Variants in FRAS1 observed in about 807,000 individuals in gnomAD.
The protein encoded by FRAS1 is extracellular matrix organizing protein FRAS1.
A neutral mutation model predicts 435.2 loss-of-function variants in FRAS1; 290 were observed. That is an observed-to-expected ratio of 0.67 (90% CI 0.61 to 0.73). The LOEUF (loss-of-function observed/expected upper bound fraction) is 0.73. FRAS1 is among the 30% of genes least tolerant of loss of function. The probability of loss-of-function intolerance (pLI) is 0.00; values close to 1 mark genes in which losing one functional copy is unlikely to be tolerated. For missense variants in FRAS1, 4,860 were observed against 5,001.5 expected (o/e 0.97, Z 0.85); for synonymous variants, 1,800 against 1,851.0 (o/e 0.97, Z 0.71).
chr4:78,154,999 T>G (rs1246628556), intron 2 of FRAS1, among the ~76,000 whole-genome samples: 8 of 152,234 alleles, frequency 5.3e-5, no homozygotes, highest in Non-Finnish European at 1.2e-4. Context: ...ACAGTCTCCT[T>G]TAATGATTGA....
At chr4:78,363,877 G>A (rs1465403683) in intron 21 of FRAS1, 31 bp from the exon 22 acceptor site, 2 of 1,587,862 alleles carry the variant, frequency 1.3e-6, no homozygotes, top group African/African-American at 2.7e-5. Flanking sequence ...CTGACATCAT[G>A]GTTTCTGTTG....
Position 78,288,199 on chromosome 4 carries a change from T to C in FRAS1, c.1534+1660T>C, listed in dbSNP as rs556908263. The stretch of plus-strand genomic sequence containing the variant: ...AAGTGGGAACATACAAATACCTTTA[T>C]AAGTGTCTAATGGTTGGGCAATTTA... On this transcript the variant is annotated intron_variant, in intron 14 of 73. Coordinates refer to ENST00000512123, the MANE Select transcript of FRAS1 (RefSeq NM_025074.7). 5.3e-5 allele frequency among the ~76,000 whole-genome samples: 8 copies of C among 151,750 alleles called. 2 individuals carry two copies. Among genetic ancestry groups the C allele is most frequent in the African/African-American group, 1.9e-4 (8 of 41,512 alleles).
rs886885740 is a variant in FRAS1 at position 78,473,561 on chromosome 4, A to C, written c.7646A>C (p.His2549Pro). 30 of 1,611,094 alleles carry C rather than the reference A, an allele frequency of 1.9e-5. No individual in the cohort carries two copies. Among genetic ancestry groups the C allele is most frequent in the Non-Finnish European group, 2.5e-5 (30 of 1,178,448 alleles). ...AATGTGGTCAGCGACAATGTCTTCC[A>C]TATCCAGTGGTCACTCATCAGCTTT... ...KPNVVSDNVF[H>P]IQWSLISFKY... The change falls in exon 53 of 74, where the codon CAT becomes CCT. Residue 2549 changes from histidine to proline, a missense_variant. His to Pro is a moderately conservative substitution (Grantham distance 77). Transcript: ENST00000512123.
chr4:78,262,772 G>A (rs1011623608), intron 6 of FRAS1, among the ~76,000 whole-genome samples: 4 of 152,126 alleles, frequency 2.6e-5, no homozygotes, highest in Non-Finnish European at 5.9e-5. Context: ...ACCCCAAATT[G>A]TAGTGGCATT....
In FRAS1 at chr4:78,421,870, C is replaced by A. The variant is rs373422848; in HGVS notation, c.4548C>A (p.Ile1516=). 6.2e-7 allele frequency: 1 copy of A among 1,613,702 alleles called. No individual in the cohort carries two copies. Among genetic ancestry groups the A allele is most frequent in the Non-Finnish European group, 8.5e-7 (1 of 1,179,792 alleles). ...TLPLHPNQGI[I]EHRDHPHSPI... ...CAAATCTCTTCCTCCCAGGTATCAT[C>A]GAGCACCGGGACCACCCTCACTCTC... The change falls in exon 34 of 74, where the codon ATC becomes ATA. Residue 1516 remains isoleucine, a synonymous_variant. Coordinates refer to ENST00000512123, the MANE Select transcript of FRAS1 (RefSeq NM_025074.7).
Position 78,526,579 on chromosome 4 carries a change from C to A in FRAS1, c.10847C>A (p.Pro3616His). 6.2e-7 allele frequency: 1 copy of A among 1,602,248 alleles called. No individual in the cohort carries two copies. The change falls in exon 70 of 74, where the codon CCT becomes CAT. Residue 3616 changes from proline (P) to histidine (H), a missense_variant. Transcript: ENST00000512123. ...GGAGAGTACACCATCTACCTGATCC[C>A]TTGCACAGTGCAGCCCACACAGCCA... ...YSGEYTIYLIPCTVQPTQPWV... is the reference protein window; with the variant it reads ...YSGEYTIYLIHCTVQPTQPWV...
intron 2 of FRAS1, among the ~76,000 whole-genome samples, chr4:78,086,782 T>C (rs1304024397): frequency 6.6e-6 from 1 of 152,120 alleles, no homozygotes; most frequent in Non-Finnish European, 1.5e-5. Flanking sequence ...CAATAATTAA[T>C]AGCTTACCAA....
intron 70 of FRAS1, among the ~76,000 whole-genome samples, chr4:78,533,779 A>G (rs1436869961): frequency 6.6e-6 from 1 of 152,190 alleles, no homozygotes; most frequent in Non-Finnish European, 1.5e-5. Context: ...TGACAGCCAG[A>G]TATGTGTTTC....
chr4:78,424,641 G>A (rs1327374906), intron 35 of FRAS1, among the ~76,000 whole-genome samples: 1 of 152,050 alleles, frequency 6.6e-6, no homozygotes, highest in Admixed American at 6.5e-5. Context: ...TACCAATGAT[G>A]CTAAAAGTTA....
intron 65 of FRAS1, among the ~76,000 whole-genome samples, chr4:78,514,183 C>G (rs1254520962): frequency 6.6e-6 from 1 of 152,230 alleles, no homozygotes; most frequent in Non-Finnish European, 1.5e-5. Flanking sequence ...CTGACACAGC[C>G]AGACCCTTAT....
chr4:78,064,674 T>G (rs1438515783), intron 1 of FRAS1, among the ~76,000 whole-genome samples: 1 of 152,046 alleles, frequency 6.6e-6, no homozygotes, highest in Admixed American at 6.6e-5. Flanking sequence ...ACAGAGATCT[T>G]TGATTCAAAC....
intron 2 of FRAS1, among the ~76,000 whole-genome samples, chr4:78,100,847 C>G (rs1393177223): frequency 6.6e-6 from 1 of 152,134 alleles, no homozygotes; most frequent in Non-Finnish European, 1.5e-5. Context: ...GAGGCTAAGG[C>G]AATTTCCTGG....
chr4:78,332,316 G>T (rs75415107), intron 18 of FRAS1, among the ~76,000 whole-genome samples: 334 of 152,222 alleles, frequency 2.2e-3, no homozygotes, highest in African/African-American at 7.8e-3. Flanking sequence ...CTTGGTTTCA[G>T]ATGTCAAAGA....
chr4:78,156,119 A>G (rs10518193), intron 2 of FRAS1, among the ~76,000 whole-genome samples: 5,483 of 152,220 alleles, frequency 0.036, 332 homozygotes, highest in African/African-American at 0.13. Flanking sequence ...TCACAGCTTG[A>G]TCCCAAATAA....
chr4:78,388,345 A>C (rs1732308752), intron 29 of FRAS1, among the ~76,000 whole-genome samples: 1 of 151,736 alleles, frequency 6.6e-6, no homozygotes. Flanking sequence ...AAAAAAAAAA[A>C]ACAAAAAAAA....
intron 20 of FRAS1, among the ~76,000 whole-genome samples, chr4:78,342,932 T>G (rs1032000818): frequency 6.6e-6 from 1 of 152,238 alleles, no homozygotes; most frequent in Non-Finnish European, 1.5e-5. Context: ...GCAGGTTTGC[T>G]CTTTCCACAA....
intron 2 of FRAS1, among the ~76,000 whole-genome samples, chr4:78,150,961 G>A (rs544859927): frequency 3.3e-5 from 5 of 152,174 alleles, no homozygotes; most frequent in African/African-American, 9.6e-5. Context: ...TATGCCAGAG[G>A]CCAAGGCCAA....
intron 29 of FRAS1, 35 bp downstream of exon 29, chr4:78,387,736 A>G (rs2110330719): frequency 7.3e-7 from 1 of 1,370,112 alleles, no homozygotes; most frequent in East Asian, 2.3e-5. Flanking sequence ...GTTTCTTTGC[A>G]CCTAGATGTG....
At position 78,057,327 on chromosome 4, in the gene FRAS1, C is replaced by T. The variant is rs907657323; in HGVS notation, c.-683C>T. 6.6e-6 allele frequency among the ~76,000 whole-genome samples: 1 copy of T among 152,164 alleles called. No homozygotes were observed. The highest frequency in any genetic ancestry group is 1.5e-5 in the Non-Finnish European group (1 of 68,034). On this transcript the variant is annotated 5_prime_UTR_variant, in exon 1 of 74. Coordinates refer to ENST00000512123, the MANE Select transcript of FRAS1 (RefSeq NM_025074.7). The surrounding 1 kb of genome is among the most constrained non-coding windows in gnomAD (Gnocchi z 4.2). Reference sequence around the variant, plus strand: ...GTAGCAGCAGCGCCCCCCAGTCTTTCCTCTGAAGCTTCCGAACAGTCTGCT... The same window carrying T: ...GTAGCAGCAGCGCCCCCCAGTCTTTTCTCTGAAGCTTCCGAACAGTCTGCT...
Sources: gnomAD v4.1 joint callset for allele counts (sites outside exome capture counted in the v4.1 genomes callset) on GRCh38, gnomAD v4.1.1 for gene constraint, Gnocchi (gnomAD v3.1) non-coding constraint, MANE v1.5 for transcripts, NCBI Gene and HGNC (gene_info 2026-07-23, HGNC 2026-07-21) for gene names.